COL25A1: variants seen among roughly 807,000 people sequenced by gnomAD.
COL25A1 encodes collagen type XXV alpha 1 chain.
In COL25A1, 103 loss-of-function variants were observed where a neutral mutation model predicts 128.4. That is an observed-to-expected ratio of 0.80 (90% confidence interval 0.68 to 0.94). The LOEUF (loss-of-function observed/expected upper bound fraction) is 0.94. COL25A1 is among the 40% of genes least tolerant of loss of function. The pLI, the probability that COL25A1 is intolerant of heterozygous loss-of-function variation, is 0.00. For synonymous variants in COL25A1, 279 were observed against 277.2 expected (o/e 1.01, Z -0.06); for missense variants, 745 against 840.0 (o/e 0.89, Z 1.40).
At chr4:108,957,866 A>T (rs1750249281) in intron 8 of COL25A1, among the ~76,000 whole-genome samples, 1 of 152,108 alleles carries the variant, frequency 6.6e-6, no homozygotes, top group African/African-American at 2.4e-5. Flanking sequence ...AGGACAACTA[A>T]CGTTTATCTA....
chr4:109,064,949 C>T (rs1762276989), intron 3 of COL25A1, among the ~76,000 whole-genome samples: 1 of 152,098 alleles, frequency 6.6e-6, no homozygotes, highest in Non-Finnish European at 1.5e-5. Flanking sequence ...TGAGGAGGTA[C>T]AGGGTAGAAG....
chr4:108,943,973 T>G (rs1748439235), intron 8 of COL25A1, among the ~76,000 whole-genome samples: 1 of 152,198 alleles, frequency 6.6e-6, no homozygotes, highest in African/African-American at 2.4e-5. Context: ...ATTTTCTACA[T>G]TTTTAATTTT....
intron 6 of COL25A1, among the ~76,000 whole-genome samples, chr4:109,009,550 T>C (rs952224775): frequency 9.2e-5 from 14 of 152,354 alleles, no homozygotes; most frequent in African/African-American, 2.6e-4. Flanking sequence ...ATGGCTTATT[T>C]GTGAAACAAT....
intron 3 of COL25A1, among the ~76,000 whole-genome samples, chr4:109,216,712 C>T (rs1578466439): frequency 1.3e-5 from 2 of 152,252 alleles, no homozygotes; most frequent in East Asian, 1.9e-4. Flanking sequence ...GCCCTGCCAA[C>T]ATCTTGATTT....
intron 3 of COL25A1, among the ~76,000 whole-genome samples, chr4:109,196,771 T>C (rs534903752): frequency 2.6e-5 from 4 of 152,306 alleles, no homozygotes; most frequent in South Asian, 4.1e-4. Context: ...ACAGTGCTCC[T>C]GAGCAACACA....
At chr4:109,090,846 G>A (rs1012210522) in intron 3 of COL25A1, among the ~76,000 whole-genome samples, 6 of 152,230 alleles carry the variant, frequency 3.9e-5, no homozygotes, top group South Asian at 2.1e-4. Flanking sequence ...TTCGAGGGAT[G>A]AGTGTGTATC....
intron 11 of COL25A1, among the ~76,000 whole-genome samples, chr4:108,934,290 C>T (rs946746418): frequency 1.8e-3 from 261 of 144,474 alleles, no homozygotes; most frequent in African/African-American, 6.2e-3. Flanking sequence ...ACAATGAGAT[C>T]ACTTGGACAC....
At chr4:109,266,740 C>A (rs1399053371) in intron 3 of COL25A1, among the ~76,000 whole-genome samples, 3 of 151,842 alleles carry the variant, frequency 2.0e-5, no homozygotes, top group East Asian at 1.9e-4. Context: ...GGATACAAAT[C>A]TTTTTTCTGT....
chr4:109,050,039 C>A, intron 4 of COL25A1, 96 bp downstream of exon 4: 1 of 986,892 alleles, frequency 1.0e-6, no homozygotes, highest in Non-Finnish European at 1.6e-6. Context: ...ACACATATAA[C>A]CTCCAACAAG....
At chr4:109,190,520 C>A (rs997968974) in intron 3 of COL25A1, among the ~76,000 whole-genome samples, 1 of 152,072 alleles carries the variant, frequency 6.6e-6, no homozygotes, top group African/African-American at 2.4e-5. Context: ...CTTTCTGGAA[C>A]GTAAACAATG....
At chr4:108,950,286 G>A (rs1451642193) in intron 8 of COL25A1, among the ~76,000 whole-genome samples, 3 of 152,140 alleles carry the variant, frequency 2.0e-5, no homozygotes, top group Non-Finnish European at 2.9e-5. Context: ...AGCAAAGAGG[G>A]ACCTAAGCTC....
intron 3 of COL25A1, among the ~76,000 whole-genome samples, chr4:109,116,811 A>T (rs758942069): frequency 6.6e-5 from 10 of 152,048 alleles, no homozygotes; most frequent in Non-Finnish European, 1.2e-4. Context: ...CAGAAATTAT[A>T]AAAAAGCATT....
chr4:109,009,229 G>A (rs941627453), intron 6 of COL25A1, among the ~76,000 whole-genome samples: 1 of 152,168 alleles, frequency 6.6e-6, no homozygotes, highest in Non-Finnish European at 1.5e-5. Flanking sequence ...TAGCAAACAA[G>A]CTATAACTTT....
In COL25A1 at chr4:109,066,139, T is replaced by C. The variant is rs147395583; in HGVS notation, c.368-15960A>G. On this transcript the variant is annotated intron_variant, in intron 3 of 37. Coordinates refer to ENST00000399132, the MANE Select transcript of COL25A1 (RefSeq NM_198721.4). Reference sequence around the variant, plus strand: ...CTAGAATAATAGTGATGGAAATATCTGGACATTCATATTTAAATGAATGAA... The same window carrying C: ...CTAGAATAATAGTGATGGAAATATCCGGACATTCATATTTAAATGAATGAA... Among the ~76,000 whole-genome samples the C allele has an allele frequency of 7.0e-3, 1,060 of 152,318 alleles. 6 individuals carry two copies. Among genetic ancestry groups the C allele is most frequent in the Middle Eastern group, 0.014 (4 of 294 alleles).
intron 3 of COL25A1, among the ~76,000 whole-genome samples, chr4:109,081,663 C>T (rs1251664623): frequency 6.6e-6 from 1 of 152,102 alleles, no homozygotes; most frequent in Non-Finnish European, 1.5e-5. Context: ...CATCTCCACC[C>T]CCAACCCAGC....
chr4:109,171,948 G>A (rs1773629634), intron 3 of COL25A1, among the ~76,000 whole-genome samples: 1 of 152,128 alleles, frequency 6.6e-6, no homozygotes, highest in South Asian at 2.1e-4. Context: ...CACAGAGACA[G>A]AGATATCCCA....
At chr4:109,064,129 C>T (rs958895576) in intron 3 of COL25A1, among the ~76,000 whole-genome samples, 6 of 152,104 alleles carry the variant, frequency 3.9e-5, no homozygotes, top group South Asian at 2.1e-4. Context: ...AATAGAAAAT[C>T]GGTGGTACTA....
chr4:109,147,267 C>G (rs1026569637), intron 3 of COL25A1, among the ~76,000 whole-genome samples: 1 of 152,150 alleles, frequency 6.6e-6, no homozygotes, highest in African/African-American at 2.4e-5. Context: ...ATCTGTTCCT[C>G]CCTTCTAACC....
At chr4:109,194,292 G>T (rs1259844719) in intron 3 of COL25A1, among the ~76,000 whole-genome samples, 1 of 152,136 alleles carries the variant, frequency 6.6e-6, no homozygotes, top group Non-Finnish European at 1.5e-5. Context: ...TCAGGTCAGA[G>T]GTTACTCCTT....
Sources: allele counts gnomAD v4.1 joint callset (sites outside exome capture counted in the v4.1 genomes callset), GRCh38; gene constraint gnomAD v4.1.1; transcripts MANE v1.5; gene names NCBI Gene and HGNC (gene_info 2026-07-23, HGNC 2026-07-21).